The following PAK1 variants were observed in gnomAD, a reference collection of about 807,000 sequenced individuals.
The protein encoded by PAK1 is serine/threonine-protein kinase PAK 1.
A neutral mutation model predicts 67.4 loss-of-function variants in PAK1; 29 were observed. That is an observed-to-expected ratio of 0.43 (90% CI 0.32 to 0.59). PAK1 has a LOEUF of 0.59. Among genes scored for constraint, PAK1 ranks in the 20% least tolerant of loss-of-function variants. PAK1 has a pLI of 0.07. For missense variants in PAK1, 337 were observed against 670.7 expected (o/e 0.50, Z 5.50); for synonymous variants, 223 against 237.4 (o/e 0.94, Z 0.56).
At chr11:77,379,522 A>AG (rs998027179) in intron 3 of PAK1, 134 bp from the exon 4 acceptor site, 44 of 754,092 alleles carry the variant, frequency 5.8e-5, no homozygotes, top group Non-Finnish European at 2.1e-5. Flanking sequence ...CTATACTCTC[A>AG]GAGTTTACAC....
rs1456154283 is a variant in PAK1 at position 77,392,377 on chromosome 11, C to T, written c.144G>A (p.Lys48=). Residue 48 remains lysine (K), a synonymous_variant, in exon 2 of 15, where the codon AAG becomes AAA. Transcript: ENST00000356341. Reference sequence around the variant, plus strand: ...ATCGGTAAAATCGGTCCTTCTTTTTCTTCTCCTCTGGGTTTGGAGGCAGAG... The same window carrying T: ...ATCGGTAAAATCGGTCCTTCTTTTTTTTCTCCTCTGGGTTTGGAGGCAGAG... ...SKPLPPNPEE[K]KKKDRFYRSI... is the part of the protein sequence containing the mutation. 1 of 1,607,934 alleles carries T rather than the reference C, an allele frequency of 6.2e-7. No homozygotes were observed. Among genetic ancestry groups the T allele is most frequent in the African/African-American group, 1.3e-5 (1 of 74,610 alleles).
At chr11:77,355,992 C>T in intron 6 of PAK1, 150 bp from the exon 7 acceptor site, 2 of 581,694 alleles carry the variant, frequency 3.4e-6, no homozygotes, top group South Asian at 2.3e-5. Flanking sequence ...CTCCTCTGTG[C>T]CCAGGCCCAC....
At chr11:77,502,540 G>A in the PAK1 span, among the ~76,000 whole-genome samples, 1 of 152,128 alleles carries the variant, frequency 6.6e-6, no homozygotes, top group East Asian at 1.9e-4. Context: ...CTGCAAAAAT[G>A]CAGAAAGAAA....
chr11:77,491,013 C>T, the PAK1 span, among the ~76,000 whole-genome samples: 1 of 152,060 alleles, frequency 6.6e-6, no homozygotes, highest in South Asian at 2.1e-4. Flanking sequence ...GGGTCCTCTG[C>T]CTAGGAAAAC....
intron 1 of PAK1, among the ~76,000 whole-genome samples, chr11:77,405,556 T>TA (rs34932909): frequency 4.9e-4 from 72 of 147,042 alleles, no homozygotes; most frequent in African/African-American, 5.8e-4. Context: ...AGCATGTGAT[T>TA]AAAAAAAAAA....
the PAK1 span, among the ~76,000 whole-genome samples, chr11:77,527,184 C>A: frequency 1.3e-5 from 2 of 151,972 alleles, no homozygotes; most frequent in South Asian, 4.1e-4. Context: ...CTCACTGCAA[C>A]CTCCGCCTCC....
In PAK1 at chr11:77,448,415, C is replaced by T. The variant is rs553875953; in HGVS notation, c.-22+25137G>A. On this transcript the variant is annotated intron_variant, in intron 1 of 14. Coordinates refer to ENST00000356341, the MANE Select transcript of PAK1 (RefSeq NM_002576.5). ...TAGAATATACAAATTACATTAATTA[C>T]AATACAGTACAACACAAAATATAAC... is the stretch of plus-strand genomic sequence containing the variant. Among the ~76,000 whole-genome samples the T allele has an allele frequency of 6.6e-5, 10 of 152,250 alleles. 1 individual carries two copies. The East Asian group carries it at 7.7e-4, about 12-fold the overall frequency.
chr11:77,329,842 T>C (rs1344434187), intron 14 of PAK1, among the ~76,000 whole-genome samples: 1 of 152,180 alleles, frequency 6.6e-6, no homozygotes, highest in Non-Finnish European at 1.5e-5. Context: ...AGAAGTCAAA[T>C]TGTCCCTGTT....
At chr11:77,333,025 T>G (rs1164454478) in intron 13 of PAK1, among the ~76,000 whole-genome samples, 158 bp from the exon 14 acceptor site, 2 of 152,102 alleles carry the variant, frequency 1.3e-5, no homozygotes, top group African/African-American at 4.8e-5. Context: ...AAGGATCAGG[T>G]TGAACATTTA....
At chr11:77,333,074 G>A (rs942832968) in intron 13 of PAK1, among the ~76,000 whole-genome samples, 9 of 152,088 alleles carry the variant, frequency 5.9e-5, no homozygotes, top group African/African-American at 2.2e-4. Flanking sequence ...TGTCTGTAAA[G>A]TAGGGATGAT....
At chr11:77,405,718 TC>T (rs1953449015) in intron 1 of PAK1, among the ~76,000 whole-genome samples, 1 of 126,318 alleles carries the variant, frequency 7.9e-6, no homozygotes, top group Non-Finnish European at 1.7e-5. Context: ...CACACACCCT[TC>T]CCTTGACACC....
At chr11:77,362,796 A>G (rs1946978149) in intron 5 of PAK1, among the ~76,000 whole-genome samples, 1 of 151,908 alleles carries the variant, frequency 6.6e-6, no homozygotes, top group Non-Finnish European at 1.5e-5. Flanking sequence ...AGTAGTATAA[A>G]CTGGAATGAA....
At chr11:77,490,622 G>A in the PAK1 span, among the ~76,000 whole-genome samples, 2 of 152,244 alleles carry the variant, frequency 1.3e-5, no homozygotes, top group Non-Finnish European at 2.9e-5. Flanking sequence ...CCCCGTCTGG[G>A]AGGTGTGCCC....
At chr11:77,500,480 A>G in the PAK1 span, among the ~76,000 whole-genome samples, 1 of 152,122 alleles carries the variant, frequency 6.6e-6, no homozygotes, top group Non-Finnish European at 1.5e-5. Flanking sequence ...AAAAGAAAAA[A>G]AAGTCGAAAC....
At chr11:77,477,257 A>G (rs1353617029), upstream of PAK1, among the ~76,000 whole-genome samples, 2 of 152,198 alleles carry the variant, frequency 1.3e-5, no homozygotes, top group Non-Finnish European at 2.9e-5. Context: ...TTTAGGCAAA[A>G]CAATGTATAA....
intron 1 of PAK1, among the ~76,000 whole-genome samples, chr11:77,428,750 G>GA (rs1288823232): frequency 6.6e-6 from 1 of 151,806 alleles, no homozygotes; most frequent in Non-Finnish European, 1.5e-5. Flanking sequence ...GTGGACTGGT[G>GA]TGGAATATCA....
intron 1 of PAK1, among the ~76,000 whole-genome samples, chr11:77,436,518 T>C (rs1473252817): frequency 2.6e-4 from 39 of 152,252 alleles, no homozygotes; most frequent in Admixed American, 2.6e-3. Context: ...ATGTGCCTAC[T>C]GATTCAGAAT....
At chr11:77,366,735 A>C (rs2136787566) in intron 5 of PAK1, among the ~76,000 whole-genome samples, 1 of 152,342 alleles carries the variant, frequency 6.6e-6, no homozygotes, top group South Asian at 2.1e-4. Context: ...TGGAACCCTC[A>C]TTAATTGCTA....
chr11:77,509,076 G>GT, the PAK1 span, among the ~76,000 whole-genome samples: 1 of 150,596 alleles, frequency 6.6e-6, no homozygotes, highest in Non-Finnish European at 1.5e-5. Flanking sequence ...GGAGACCACG[G>GT]TGAAACCCCG....
Sources: allele counts gnomAD v4.1 joint callset (sites outside exome capture counted in the v4.1 genomes callset), GRCh38; gene constraint gnomAD v4.1.1; transcripts MANE v1.5; gene names NCBI Gene and HGNC (gene_info 2026-07-23, HGNC 2026-07-21).